The following ST7 variants were observed in gnomAD, a reference collection of about 807,000 sequenced individuals.
The protein encoded by ST7 is suppression of tumorigenicity 7.
ST7 carries 28 observed loss-of-function variants against 78.7 expected under a neutral mutation model. The observed-to-expected ratio is 0.36, with a 90% CI of 0.26 to 0.49. The LOEUF is 0.49. ST7 is among the 20% of genes least tolerant of loss of function. ST7 has a pLI of 0.99. For missense variants in ST7, 418 were observed against 696.0 expected (o/e 0.60, Z 4.49); for synonymous variants, 247 against 249.6 (o/e 0.99, Z 0.10).
intron 13 of ST7, among the ~76,000 whole-genome samples, chr7:117,213,491 T>C (rs1792451591): frequency 6.6e-6 from 1 of 152,156 alleles, no homozygotes; most frequent in South Asian, 2.1e-4. Context: ...ATGAATTTGT[T>C]ATGTTGGAAC....
Position 117,134,123 on chromosome 7 carries a change from G to T in ST7, c.642-1G>T. The T allele has an allele frequency of 6.2e-7, 1 of 1,611,394 alleles. No individual in the cohort carries two copies. On this transcript the variant is annotated splice_acceptor_variant, in intron 6 of 15. Coordinates refer to ENST00000323984, the MANE Select transcript of ST7 (RefSeq NM_001369598.1). LOFTEE classifies it high-confidence loss of function. Reference sequence around the variant, plus strand: ...CCAACTATTTTTTTCTTCTTGGTCAGAATTAGGTCCAGAGTTGAAGTTCCC... The same window carrying T: ...CCAACTATTTTTTTCTTCTTGGTCATAATTAGGTCCAGAGTTGAAGTTCCC...
intron 9 of ST7, among the ~76,000 whole-genome samples, chr7:117,152,932 C>T (rs1440163366): frequency 2.6e-5 from 4 of 152,128 alleles, no homozygotes; most frequent in African/African-American, 9.7e-5. Flanking sequence ...CCTGTTTCAA[C>T]CTTGCCTTCT....
intron 9 of ST7, among the ~76,000 whole-genome samples, chr7:117,149,051 A>G (rs1806033659): frequency 6.6e-6 from 1 of 152,150 alleles, no homozygotes; most frequent in Non-Finnish European, 1.5e-5. Context: ...CCTTTTAAAT[A>G]ATCAATGCAA....
chr7:117,015,795 G>C (rs1016570946), intron 1 of ST7, among the ~76,000 whole-genome samples: 25 of 152,076 alleles, frequency 1.6e-4, no homozygotes, highest in African/African-American at 5.6e-4. Context: ...TGAACTTTTG[G>C]GGAATGGCGA....
intron 1 of ST7, among the ~76,000 whole-genome samples, chr7:117,037,084 A>G (rs368424962): frequency 6.6e-6 from 1 of 152,184 alleles, no homozygotes; most frequent in African/African-American, 2.4e-5. Flanking sequence ...AACAGCTGCC[A>G]TGGAAGTCGC....
intron 12 of ST7, among the ~76,000 whole-genome samples, chr7:117,200,471 A>C (rs1031235249): frequency 2.6e-5 from 4 of 152,158 alleles, no homozygotes; most frequent in Non-Finnish European, 4.4e-5. Flanking sequence ...GGGGGAAAAA[A>C]ATAAAGAAAA....
intron 13 of ST7, among the ~76,000 whole-genome samples, chr7:117,211,831 A>G (rs1792321894): frequency 6.6e-6 from 1 of 152,182 alleles, no homozygotes; most frequent in Admixed American, 6.5e-5. Context: ...GAAGTGAAAC[A>G]GGGAGCTACA....
chr7:116,997,042 C>G (rs1794692353), intron 1 of ST7, among the ~76,000 whole-genome samples: 1 of 152,112 alleles, frequency 6.6e-6, no homozygotes, highest in South Asian at 2.1e-4. Flanking sequence ...GTGAGCGTTA[C>G]AGTTCACAAA....
chr7:117,078,411 G>A (rs1194045123), intron 1 of ST7, among the ~76,000 whole-genome samples: 1 of 152,162 alleles, frequency 6.6e-6, no homozygotes, highest in Non-Finnish European at 1.5e-5. Context: ...CCATATATCT[G>A]GTGAAACAGA....
intron 1 of ST7, among the ~76,000 whole-genome samples, chr7:116,981,863 T>C (rs1793975937): frequency 6.6e-6 from 1 of 152,208 alleles, no homozygotes; most frequent in Non-Finnish European, 1.5e-5. Context: ...TGTGCTATAC[T>C]TTATTTAATT....
At chr7:117,040,543 T>C (rs983417558) in intron 1 of ST7, among the ~76,000 whole-genome samples, 2 of 152,252 alleles carry the variant, frequency 1.3e-5, no homozygotes, top group Admixed American at 1.3e-4. Context: ...GCTCTTCGCA[T>C]AGTAAATACC....
chr7:117,216,661 C>T (rs1584626737), intron 13 of ST7, among the ~76,000 whole-genome samples: 1 of 152,118 alleles, frequency 6.6e-6, no homozygotes, highest in African/African-American at 2.4e-5. Context: ...CTGGACCTCC[C>T]CTGCTTATCT....
intron 2 of ST7, among the ~76,000 whole-genome samples, chr7:117,114,030 C>G (rs1802648651): frequency 6.6e-6 from 1 of 152,108 alleles, no homozygotes; most frequent in Non-Finnish European, 1.5e-5. Flanking sequence ...CCTTACTTCC[C>G]TGTGTTTTCT....
At chr7:117,085,597 G>T (rs998678602) in intron 1 of ST7, among the ~76,000 whole-genome samples, 1 of 152,156 alleles carries the variant, frequency 6.6e-6, no homozygotes, top group African/African-American at 2.4e-5. Context: ...TTGTTTTTCT[G>T]CATGCTATCA....
chr7:116,965,647 A>G (rs1470800477), intron 1 of ST7, among the ~76,000 whole-genome samples: 1 of 152,216 alleles, frequency 6.6e-6, no homozygotes, highest in East Asian at 1.9e-4. Flanking sequence ...TCTATAGAAA[A>G]TAATGTAACA....
intron 7 of ST7, among the ~76,000 whole-genome samples, chr7:117,134,959 C>T (rs142309319): frequency 1.3e-3 from 197 of 152,182 alleles, no homozygotes; most frequent in African/African-American, 4.4e-3. Flanking sequence ...CTTACATTAG[C>T]TGTGAAGTTC....
At chr7:117,100,970 A>G (rs1258792806) in intron 2 of ST7, among the ~76,000 whole-genome samples, 1 of 152,210 alleles carries the variant, frequency 6.6e-6, no homozygotes, top group Non-Finnish European at 1.5e-5. Context: ...GAAAAGCTTT[A>G]GAGAAGGGTG....
chr7:117,099,046 C>CAAAAAAAA (rs754881472), intron 1 of ST7, among the ~76,000 whole-genome samples: 489 of 30,748 alleles, frequency 0.016, 27 homozygotes, highest in East Asian at 0.028. Context: ...CTCACTTTCG[C>CAAAAAAAA]AAAAAAAAAA....
intron 2 of ST7, among the ~76,000 whole-genome samples, chr7:117,115,058 C>T (rs984365059): frequency 9.2e-5 from 14 of 152,226 alleles, no homozygotes; most frequent in Non-Finnish European, 1.9e-4. Context: ...GTTTTAAATA[C>T]GATCTGGGCC....
Sources: allele counts gnomAD v4.1 joint callset (sites outside exome capture counted in the v4.1 genomes callset), GRCh38; gene constraint gnomAD v4.1.1; transcripts MANE v1.5; gene names NCBI Gene and HGNC (gene_info 2026-07-23, HGNC 2026-07-21).